The following FAM171B variants were observed in gnomAD, a reference collection of about 807,000 sequenced individuals.
The protein encoded by FAM171B is protein FAM171B.
Under a neutral mutation model 75.6 loss-of-function variants are expected in FAM171B, and 19 were observed. That is an observed-to-expected ratio of 0.25 (90% CI 0.18 to 0.37). The LOEUF (loss-of-function observed/expected upper bound fraction) is 0.37, where lower values mean the gene tolerates loss of function less well. Ranked by LOEUF, FAM171B falls within the 10% of genes least tolerant of loss-of-function variation. FAM171B has a pLI of 1.00. For missense variants in FAM171B, 848 were observed against 982.4 expected, an observed-to-expected ratio of 0.86 and a Z score of 1.83; for synonymous variants, 367 against 361.7, an observed-to-expected ratio of 1.01 and a Z score of -0.17.
chr2:186,742,599 A>G (rs147793460), intron 2 of FAM171B, among the ~76,000 whole-genome samples: 53 of 152,246 alleles, frequency 3.5e-4, no homozygotes, highest in African/African-American at 1.3e-3. Context: ...TTTCCATGCA[A>G]CTGTGTTTTC....
rs1689545542 is a variant in FAM171B, at chr2:186,694,397, C to G, written c.224C>G (p.Thr75Ser). ...ACAGAGGTGCCTGGGGCAACCTCCA[C>G]CTTGACGGTTCCAGGTAGGTCCTGG... Reference protein sequence around the residue: ...ERTEVPGATSTLTVPVSVFML... With the variant: ...ERTEVPGATSSLTVPVSVFML... Residue 75 changes from threonine (T) to serine (S), a missense_variant, in exon 1 of 8, where the codon ACC (threonine) becomes AGC (serine). By Grantham distance (58) the Thr-to-Ser change is moderately conservative (BLOSUM62 1). This residue lies in a region of FAM171B where 665 missense variants were observed against 729.0 expected (regional missense o/e 0.91). Coordinates refer to ENST00000304698, the MANE Select transcript of FAM171B (RefSeq NM_177454.4). 1.9e-6 allele frequency: 3 copies of G among 1,612,512 alleles called. No individual in the cohort carries two copies. Among genetic ancestry groups the G allele is most frequent in the East Asian group, 4.5e-5 (2 of 44,834 alleles).
chr2:186,694,485 C>T lies in FAM171B; in HGVS notation c.238+74C>T, dbSNP rs1689550433. The stretch of plus-strand genomic sequence containing the variant: ...CTTAGGGCCTCGCCGGCTTCCTCGC[C>T]CCTTCCCTATCCATTCCTATCCTCG... On this transcript the variant is annotated intron_variant, in intron 1 of 7. Coordinates refer to ENST00000304698, the MANE Select transcript of FAM171B (RefSeq NM_177454.4). The T allele has an allele frequency of 4.0e-6, 6 of 1,510,078 alleles. No homozygotes were observed. In the South Asian group the frequency reaches 5.3e-5, roughly 13 times the overall value. The allele number at this position is 1,510,078 out of a possible 1,614,324, so 93.5% of individuals were successfully genotyped here. A position where few individuals can be genotyped will look rare whatever the true frequency, so the allele number is the denominator to read the frequency against.
intron 1 of FAM171B, among the ~76,000 whole-genome samples, chr2:186,695,855 G>C (rs1470325656): frequency 6.6e-6 from 1 of 152,184 alleles, no homozygotes; most frequent in Non-Finnish European, 1.5e-5. Flanking sequence ...ATATCAGATT[G>C]ATTGGCCTCA....
In FAM171B at chr2:186,762,143, A is replaced by C. The variant is rs1205573870; in HGVS notation, c.1801A>C (p.Arg601=). The part of the protein sequence containing the change: ...IHSHAQPPDA[R]EEDIILEGQQ... ...TTCTCATGCACAGCCCCCAGATGCCAGGGAAGAGGATATCATACTTGAAGG... is the reference window on the plus strand; with the variant it reads ...TTCTCATGCACAGCCCCCAGATGCCCGGGAAGAGGATATCATACTTGAAGG... The change falls in exon 8 of 8, where the codon AGG becomes CGG. Residue 601 remains arginine, a synonymous_variant. Coordinates refer to ENST00000304698, the MANE Select transcript of FAM171B (RefSeq NM_177454.4). The surrounding 1 kb of genome is among the most constrained non-coding windows in gnomAD (Gnocchi z 4.0). 3 of 1,613,664 alleles carry C rather than the reference A, an allele frequency of 1.9e-6. No individual in the cohort carries two copies. Among genetic ancestry groups the C allele is most frequent in the Non-Finnish European group, 2.5e-6 (3 of 1,179,754 alleles).
Position 186,754,062 on chromosome 2 carries a change from A to C in FAM171B, c.1012+13A>C. 2.6e-6 allele frequency: 4 copies of C among 1,560,038 alleles called. No homozygotes were observed. The highest frequency in any genetic ancestry group is 2.6e-6 in the Non-Finnish European group (3 of 1,146,486). Reference sequence around the variant, plus strand: ...CCAGGAACTAGAGGTATTGTAAAAAATGAAAGTAATTAAAACATGTAATTC... The same window carrying C: ...CCAGGAACTAGAGGTATTGTAAAAACTGAAAGTAATTAAAACATGTAATTC... On this transcript the variant is annotated intron_variant, in intron 6 of 7. Transcript: ENST00000304698.
At chr2:186,751,775 A>G (rs1454794885) in intron 5 of FAM171B, among the ~76,000 whole-genome samples, 1 of 152,116 alleles carries the variant, frequency 6.6e-6, no homozygotes, top group Non-Finnish European at 1.5e-5. Flanking sequence ...CGCCTCCTAA[A>G]TAGCAGCTGG....
chr2:186,701,676 G>T (rs185541441), intron 1 of FAM171B, among the ~76,000 whole-genome samples: 108 of 152,276 alleles, frequency 7.1e-4, no homozygotes, highest in African/African-American at 2.3e-3. Flanking sequence ...TTTCTTTCCA[G>T]GATTTTAATA....
Position 186,729,968 on chromosome 2 carries a change from T to G in FAM171B, c.239-10260T>G, listed in dbSNP as rs1453602562. ...TTTTTGTTTTTTGTTTTGTCTTGTT[T>G]GTTTTTGAGACAGAGTCTCTCTCTC... On this transcript the variant is annotated intron_variant, in intron 1 of 7. Transcript: ENST00000304698. Among the ~76,000 whole-genome samples, 3 of 151,406 alleles carry G rather than the reference T, an allele frequency of 2.0e-5. No individual in the cohort carries two copies. The East Asian group carries it at 5.8e-4, about 29-fold the overall frequency.
chr2:186,717,246 T>C (rs1689887637), intron 1 of FAM171B, among the ~76,000 whole-genome samples: 1 of 152,136 alleles, frequency 6.6e-6, no homozygotes, highest in Non-Finnish European at 1.5e-5. Context: ...AAAATAAAAG[T>C]AAATATTTAA....
At chr2:186,703,286 G>A (rs1689689414) in intron 1 of FAM171B, among the ~76,000 whole-genome samples, 1 of 152,150 alleles carries the variant, frequency 6.6e-6, no homozygotes, top group Non-Finnish European at 1.5e-5. Flanking sequence ...CTGCTGAGAT[G>A]TAGAACGTTT....
intron 1 of FAM171B, among the ~76,000 whole-genome samples, chr2:186,705,459 G>T (rs1263079905): frequency 6.6e-6 from 1 of 152,034 alleles, no homozygotes; most frequent in African/African-American, 2.4e-5. Flanking sequence ...CAATAGAAGG[G>T]TGTAGGGGGT....
intron 1 of FAM171B, among the ~76,000 whole-genome samples, chr2:186,699,957 T>G (rs1382446916): frequency 6.6e-6 from 1 of 152,126 alleles, no homozygotes. Context: ...ATTTTTGGGT[T>G]CTCTATTCTG....
chr2:186,761,662 G>A lies in FAM171B; in HGVS notation c.1320G>A (p.Lys440=), dbSNP rs752495148. Residue 440 remains lysine, a synonymous_variant, in exon 8 of 8, where the codon AAG becomes AAA. Transcript: ENST00000304698. ...AKNSSYSPQK[K]EPSKAETEER... is the part of the protein sequence containing the mutation. ...ACTCCTCATATAGTCCTCAGAAAAA[G>A]GAACCATCAAAGGCAGAAACAGAAG... The A allele has an allele frequency of 3.7e-6, 6 of 1,611,634 alleles. No individual in the cohort carries two copies. The highest frequency in any genetic ancestry group is 3.4e-5 in the Admixed American group (2 of 59,492).
At chr2:186,713,481 T>A (rs2105775812) in intron 1 of FAM171B, among the ~76,000 whole-genome samples, 1 of 152,352 alleles carries the variant, frequency 6.6e-6, no homozygotes, top group South Asian at 2.1e-4. Flanking sequence ...TATTAGAGAT[T>A]ACTTTTAGTA....
At position 186,761,998 on chromosome 2, in the gene FAM171B, A is replaced by G. The variant is rs756539861; in HGVS notation, c.1656A>G (p.Glu552=). ...CATCTGACCTTTTCTCCACACCGGA[A>G]CAATTACATACTGCTAAGTCAGCTA... The part of the protein sequence containing the change: ...LQTSDLFSTP[E]QLHTAKSATL... Residue 552 remains glutamate (E), a synonymous_variant, in exon 8 of 8, where the codon GAA becomes GAG. Transcript: ENST00000304698. 5.6e-6 allele frequency: 9 copies of G among 1,613,514 alleles called. No individual in the cohort carries two copies. The highest frequency in any genetic ancestry group is 7.6e-6 in the Non-Finnish European group (9 of 1,179,798).
intron 1 of FAM171B, among the ~76,000 whole-genome samples, chr2:186,709,513 A>G (rs142186542): frequency 9.3e-4 from 142 of 152,246 alleles, no homozygotes; most frequent in African/African-American, 3.1e-3. Flanking sequence ...TGAGCTAGCA[A>G]TTGGTACTTT....
intron 1 of FAM171B, among the ~76,000 whole-genome samples, chr2:186,696,951 G>A (rs973427375): frequency 2.0e-5 from 3 of 151,924 alleles, no homozygotes; most frequent in Admixed American, 6.6e-5. Context: ...CTAGTATCTC[G>A]AAGAGCACCT....
At chr2:186,736,538 C>CTCTGTGTGTGTG (rs1553511468) in intron 1 of FAM171B, among the ~76,000 whole-genome samples, 3 of 122,978 alleles carry the variant, frequency 2.4e-5, no homozygotes, top group East Asian at 2.7e-4. Context: ...ATGTTTGTGG[C>CTCTGTGTGTGTG]TGTGTGTGTG....
In FAM171B at chr2:186,702,812, A is replaced by G. The variant is rs374290223; in HGVS notation, c.238+8401A>G. Reference sequence around the variant, plus strand: ...TTCAAACCTTGAGTTAATAATGCCAAAGTTCTCCATATTAAGGTTCTATAT... The same window carrying G: ...TTCAAACCTTGAGTTAATAATGCCAGAGTTCTCCATATTAAGGTTCTATAT... On this transcript the variant is annotated intron_variant, in intron 1 of 7. Transcript: ENST00000304698. 3.9e-5 allele frequency among the ~76,000 whole-genome samples: 6 copies of G among 152,192 alleles called. No individual in the cohort carries two copies. The South Asian group carries it at 1.2e-3, about 32-fold the overall frequency.
Sources: allele counts gnomAD v4.1 joint callset (sites outside exome capture counted in the v4.1 genomes callset), GRCh38; gene constraint gnomAD v4.1.1; regional missense constraint gnomAD v4.1.1; non-coding constraint Gnocchi (gnomAD v3.1); transcripts MANE v1.5; gene names NCBI Gene and HGNC (gene_info 2026-07-23, HGNC 2026-07-21).